The following CNTN6 variants were observed in gnomAD, a reference collection of about 807,000 sequenced individuals.
CNTN6 encodes contactin 6, also known as contactin-6.
A neutral mutation model predicts 122.8 loss-of-function variants in CNTN6; 137 were observed. The observed-to-expected ratio is 1.12, with a 90% CI of 0.97 to 1.29. The LOEUF is 1.29. Among genes scored for constraint, CNTN6 ranks in the 50% most tolerant of loss-of-function variants. The pLI is 0.00. For missense variants in CNTN6, 1,634 were observed against 1,223.4 expected (o/e 1.34, Z -5.01); for synonymous variants, 570 against 426.0 (o/e 1.34, Z -4.16).
chr3:1,127,866 G>A (rs1048146057), intron 1 of CNTN6, among the ~76,000 whole-genome samples: 1 of 151,832 alleles, frequency 6.6e-6, no homozygotes, highest in Non-Finnish European at 1.5e-5. Flanking sequence ...TTTTGTGTGT[G>A]TGTATATATA....
At chr3:1,177,042 C>T (rs1198063828) in intron 2 of CNTN6, among the ~76,000 whole-genome samples, 9 of 152,148 alleles carry the variant, frequency 5.9e-5, no homozygotes, top group Non-Finnish European at 1.2e-4. Context: ...ATGTCCTTTT[C>T]TTGCCATAAT....
At chr3:1,170,697 A>G (rs1226738136) in intron 2 of CNTN6, among the ~76,000 whole-genome samples, 1 of 152,188 alleles carries the variant, frequency 6.6e-6, no homozygotes, top group African/African-American at 2.4e-5. Flanking sequence ...TACATAAGCC[A>G]TCTCCTCTGA....
At chr3:1,385,291 G>T (rs753601201) in intron 19 of CNTN6, among the ~76,000 whole-genome samples, 1 of 151,930 alleles carries the variant, frequency 6.6e-6, no homozygotes, top group African/African-American at 2.4e-5. Context: ...ATACAAATGT[G>T]TTTTTGTCTG....
intron 2 of CNTN6, among the ~76,000 whole-genome samples, chr3:1,168,461 G>A (rs1045302558): frequency 4.7e-5 from 7 of 150,372 alleles, no homozygotes; most frequent in Admixed American, 4.0e-4. Flanking sequence ...GGACCAGGAA[G>A]CTGGGACACT....
At chr3:1,369,459 G>A (rs1435671075) in intron 12 of CNTN6, among the ~76,000 whole-genome samples, 1 of 146,184 alleles carries the variant, frequency 6.8e-6, no homozygotes, top group Non-Finnish European at 1.5e-5. Flanking sequence ...TACATTACAT[G>A]CTCAATAAAT....
rs576868817 is a variant in CNTN6, at chr3:1,219,035, T to C, written c.56-1652T>C. Among the ~76,000 whole-genome samples, 228 of 152,328 alleles carry C rather than the reference T, an allele frequency of 1.5e-3. 1 individual carries two copies. The highest frequency in any genetic ancestry group is 5.3e-3 in the African/African-American group (221 of 41,582). ...GAAAGCATCGAATAAATAGCAAATG[T>C]ATTATAACTCATTTACCAAAATAAG... On this transcript the variant is annotated intron_variant, in intron 2 of 22. Transcript: ENST00000446702.
chr3:1,387,367 A>AAATC (rs1219111533), intron 20 of CNTN6, among the ~76,000 whole-genome samples: 1 of 152,210 alleles, frequency 6.6e-6, no homozygotes, highest in African/African-American at 2.4e-5. Flanking sequence ...AATGTTGACT[A>AAATC]AATCAATGAA....
At chr3:1,322,419 G>A (rs545107904) in intron 8 of CNTN6, among the ~76,000 whole-genome samples, 1 of 151,558 alleles carries the variant, frequency 6.6e-6, no homozygotes, top group Admixed American at 6.6e-5. Flanking sequence ...CTTTAATCCA[G>A]GATTGAAATT....
chr3:1,132,355 T>C (rs2092358001), intron 1 of CNTN6, among the ~76,000 whole-genome samples: 1 of 152,156 alleles, frequency 6.6e-6, no homozygotes, highest in Non-Finnish European at 1.5e-5. Flanking sequence ...AAAATATTTT[T>C]TCTTTCTAAA....
intron 1 of CNTN6, among the ~76,000 whole-genome samples, chr3:1,143,411 CTT>C (rs1483893539): frequency 6.6e-6 from 1 of 152,068 alleles, no homozygotes; most frequent in Non-Finnish European, 1.5e-5. Flanking sequence ...TTTTGAGACT[CTT>C]TTTAGGTTCT....
intron 9 of CNTN6, among the ~76,000 whole-genome samples, chr3:1,326,360 T>C (rs1482415757): frequency 6.6e-6 from 1 of 151,866 alleles, no homozygotes; most frequent in Non-Finnish European, 1.5e-5. Flanking sequence ...TATTCCTTTA[T>C]GTAAATGAAG....
intron 16 of CNTN6, 98 bp downstream of exon 16, chr3:1,374,171 T>C: frequency 7.8e-7 from 1 of 1,286,562 alleles, no homozygotes; most frequent in South Asian, 1.9e-5. Flanking sequence ...TACTTTTGGC[T>C]CAAAATTGTT....
In CNTN6 at chr3:1,245,686, T is replaced by TA. The variant is rs1484157377; in HGVS notation, c.358+17700dup. ...CCTGTTTCCCAAAAACCTATTGAAA[T>TA]AAAAAAAGGAATATAAATAAATAAA... is the stretch of plus-strand genomic sequence containing the variant. On this transcript the variant is annotated intron_variant, in intron 4 of 22. Coordinates refer to ENST00000446702, the MANE Select transcript of CNTN6 (RefSeq NM_001289080.2). Among the ~76,000 whole-genome samples, 5 of 150,492 alleles carry TA rather than the reference T, an allele frequency of 3.3e-5. No homozygotes were observed. The East Asian group carries it at 7.8e-4, about 24-fold the overall frequency.
chr3:1,244,581 C>A (rs1230488412), intron 4 of CNTN6, among the ~76,000 whole-genome samples: 2 of 152,194 alleles, frequency 1.3e-5, no homozygotes, highest in Non-Finnish European at 2.9e-5. Context: ...GGGGATTGAT[C>A]TCCCAAGGGA....
At chr3:1,372,178 G>A (rs1013437260) in intron 12 of CNTN6, 121 bp from the exon 13 acceptor site, 9 of 631,392 alleles carry the variant, frequency 1.4e-5, no homozygotes, top group Non-Finnish European at 2.3e-5. Context: ...ACTGGACATT[G>A]TAGAACTCCA....
At chr3:1,184,708 T>A (rs1447119501) in intron 2 of CNTN6, among the ~76,000 whole-genome samples, 6 of 152,130 alleles carry the variant, frequency 3.9e-5, no homozygotes, top group African/African-American at 1.4e-4. Flanking sequence ...CATCTGAAAA[T>A]TAATAATAAC....
intron 2 of CNTN6, among the ~76,000 whole-genome samples, chr3:1,155,252 C>T (rs548892261): frequency 7.2e-4 from 109 of 152,250 alleles, no homozygotes; most frequent in Non-Finnish European, 1.1e-3. Flanking sequence ...TATTGTGAGT[C>T]GTATAAGTGG....
intron 2 of CNTN6, among the ~76,000 whole-genome samples, chr3:1,199,791 T>C (rs2093834475): frequency 6.6e-6 from 1 of 152,186 alleles, no homozygotes; most frequent in African/African-American, 2.4e-5. Flanking sequence ...ACTTGTGTTC[T>C]TGTCAATATA....
intron 1 of CNTN6, among the ~76,000 whole-genome samples, chr3:1,119,178 C>T (rs182333534): frequency 7.2e-4 from 109 of 150,500 alleles, no homozygotes; most frequent in South Asian, 4.2e-3. Context: ...CTATTAGTAA[C>T]GTAGTGATTT....
Sources: allele counts gnomAD v4.1 joint callset (sites outside exome capture counted in the v4.1 genomes callset), GRCh38; gene constraint gnomAD v4.1.1; transcripts MANE v1.5; gene names NCBI Gene and HGNC (gene_info 2026-07-23, HGNC 2026-07-21).